DMD: variants seen among roughly 807,000 people sequenced by gnomAD.
DMD encodes the protein dystrophin.
DMD carries 63 observed loss-of-function variants against 330.1 expected under a neutral mutation model. The ratio of observed to expected loss-of-function variants is 0.19; its 90% CI spans 0.16 to 0.24. The LOEUF is 0.24. DMD is among the 10% of genes least tolerant of loss of function. The pLI is 1.00. For synonymous variants in DMD, 1,223 were observed against 959.8 expected, an observed-to-expected ratio of 1.27 and a Z score of -5.07; for missense variants, 3,344 against 2,684.1, an observed-to-expected ratio of 1.25 and a Z score of -5.43.
At chrX:32,649,583 A>T (rs1227107701) in intron 9 of DMD, among the ~76,000 whole-genome samples, 1 of 100,115 alleles carries the variant, frequency 1.0e-5, no homozygotes, top group Non-Finnish European at 2.0e-5. Flanking sequence ...AAAAAAAAAA[A>T]GGTGAAAGAG....
intron 52 of DMD, among the ~76,000 whole-genome samples, chrX:31,692,021 T>A (rs62589466): frequency 0.051 from 5,704 of 111,738 alleles, 334 homozygotes; most frequent in Admixed American, 0.26. Context: ...GATCATATGT[T>A]AGGCCACAGA....
intron 44 of DMD, among the ~76,000 whole-genome samples, chrX:32,172,600 A>G (rs1014414968): frequency 9.0e-6 from 1 of 111,318 alleles, no homozygotes; most frequent in African/African-American, 3.3e-5. Context: ...TCTGTCACCT[A>G]TGATCCCACA....
chrX:31,146,202 C>A, intron 76 of DMD, 89 bp downstream of exon 76: 1 of 1,086,053 alleles, frequency 9.2e-7, no homozygotes, highest in South Asian at 1.9e-5. Flanking sequence ...CAAGATGAGT[C>A]AAACACTTAC....
intron 7 of DMD, among the ~76,000 whole-genome samples, chrX:32,771,557 G>T (rs773873219): frequency 9.4e-6 from 1 of 106,688 alleles, no homozygotes; most frequent in South Asian, 3.8e-4. Flanking sequence ...CCCCAATACG[G>T]CTTTTTTCAA....
At chrX:32,106,375 G>T (rs2096563991) in intron 44 of DMD, among the ~76,000 whole-genome samples, 1 of 111,825 alleles carries the variant, frequency 8.9e-6, no homozygotes, top group Non-Finnish European at 1.9e-5. Context: ...GAAAAGGATA[G>T]AAGTCTAGTC....
chrX:33,233,263 C>T (rs981918467), intron 1 of DMD, among the ~76,000 whole-genome samples: 1 of 111,078 alleles, frequency 9.0e-6, no homozygotes, highest in Non-Finnish European at 1.9e-5. Flanking sequence ...ATGAGACTAC[C>T]ATTATAGTCC....
At chrX:32,767,440 CTG>C (rs767676382) in intron 7 of DMD, among the ~76,000 whole-genome samples, 2 of 111,776 alleles carry the variant, frequency 1.8e-5, no homozygotes, top group East Asian at 5.6e-4. Flanking sequence ...TTTGTTAAGA[CTG>C]TAAGTTCTAT....
chrX:32,889,232 A>C (rs1441945272), intron 2 of DMD, among the ~76,000 whole-genome samples: 1 of 111,294 alleles, frequency 9.0e-6, no homozygotes, highest in Non-Finnish European at 1.9e-5. Flanking sequence ...GTACCCAGGC[A>C]CTTCAGCAGG....
At chrX:33,230,593 G>T (rs1157588092) in intron 1 of DMD, among the ~76,000 whole-genome samples, 1 of 111,163 alleles carries the variant, frequency 9.0e-6, no homozygotes, top group Non-Finnish European at 1.9e-5. Context: ...TAGATTTTCA[G>T]CAAAAGGAGG....
intron 4 of DMD, among the ~76,000 whole-genome samples, chrX:32,830,222 T>C (rs2079049027): frequency 9.0e-6 from 1 of 111,670 alleles, no homozygotes; most frequent in African/African-American, 3.2e-5. Context: ...CTGTAAGTCA[T>C]AACATTTTTC....
At chrX:32,018,536 ACT>A (rs2095783991) in intron 44 of DMD, among the ~76,000 whole-genome samples, 1 of 111,028 alleles carries the variant, frequency 9.0e-6, no homozygotes, top group South Asian at 3.8e-4. Flanking sequence ...CTATCTATAA[ACT>A]CTGCTTACAA....
intron 44 of DMD, among the ~76,000 whole-genome samples, chrX:32,123,997 TTAAA>T (rs913004423): frequency 2.7e-5 from 3 of 112,082 alleles, no homozygotes; most frequent in Non-Finnish European, 3.8e-5. Context: ...TTAGAGACAC[TTAAA>T]TAAGGAGCAT....
At chrX:32,677,661 A>C (rs2062063491) in intron 9 of DMD, among the ~76,000 whole-genome samples, 1 of 111,814 alleles carries the variant, frequency 8.9e-6, no homozygotes, top group South Asian at 3.7e-4. Context: ...GTGATTAAAA[A>C]ATAATATTTA....
intron 55 of DMD, among the ~76,000 whole-genome samples, chrX:31,553,997 T>G (rs1341137105): frequency 8.9e-6 from 1 of 112,629 alleles, no homozygotes; most frequent in Non-Finnish European, 1.9e-5. Context: ...AATGTAGTCA[T>G]TTCTCCCACT....
At chrX:32,884,531 G>A (rs747504225) in intron 2 of DMD, among the ~76,000 whole-genome samples, 2 of 111,599 alleles carry the variant, frequency 1.8e-5, no homozygotes, top group East Asian at 2.8e-4. Context: ...TAAACCAATG[G>A]AGAGTCTGAC....
chrX:33,235,342 G>A (rs143345714), intron 1 of DMD, among the ~76,000 whole-genome samples: 4,488 of 111,468 alleles, frequency 0.04, 197 homozygotes, highest in African/African-American at 0.14. Context: ...CCCCATAATA[G>A]GAAACATTGA....
At chrX:31,658,830 G>A (rs2148620096) in intron 53 of DMD, among the ~76,000 whole-genome samples, 1 of 111,952 alleles carries the variant, frequency 8.9e-6, no homozygotes, top group East Asian at 2.8e-4. Flanking sequence ...GTCAATTAAT[G>A]GTAGGTTTTA....
intron 4 of DMD, among the ~76,000 whole-genome samples, chrX:32,833,891 C>T (rs1033618895): frequency 1.8e-5 from 2 of 110,045 alleles, no homozygotes; most frequent in Admixed American, 9.8e-5. Context: ...ATACTAATTT[C>T]CCTTAAAGCA....
chrX:32,794,914 T>A (rs1454523987), intron 7 of DMD, among the ~76,000 whole-genome samples: 13 of 111,839 alleles, frequency 1.2e-4, no homozygotes, highest in African/African-American at 4.2e-4. Flanking sequence ...GCAAACCTAT[T>A]TACAACGGCT....
Sources: gnomAD v4.1 joint callset for allele counts (sites outside exome capture counted in the v4.1 genomes callset) on GRCh38, gnomAD v4.1.1 for gene constraint, MANE v1.5 for transcripts, NCBI Gene and HGNC (gene_info 2026-07-23, HGNC 2026-07-21) for gene names.